Variants in CASR observed in about 807,000 individuals in gnomAD.
CASR encodes extracellular calcium-sensing receptor.
CASR carries 23 observed loss-of-function variants against 69.1 expected under a neutral mutation model. That is an observed-to-expected ratio of 0.33 (90% CI 0.24 to 0.47). The LOEUF (loss-of-function observed/expected upper bound fraction) is 0.47, where lower values mean the gene tolerates loss of function less well. Among genes scored for constraint, CASR ranks in the 20% least tolerant of loss-of-function variants. CASR has a pLI of 1.00. For synonymous variants in CASR, 541 were observed against 544.7 expected (o/e 0.99, Z 0.10); for missense variants, 924 against 1,356.1 (o/e 0.68, Z 5.00).
At chr3:122,209,313 G>A (rs577356876) in intron 1 of CASR, among the ~76,000 whole-genome samples, 1 of 152,286 alleles carries the variant, frequency 6.6e-6, no homozygotes, top group South Asian at 2.1e-4. Context: ...AGAGGAGCTG[G>A]TACCATTTCT....
At chr3:122,233,885 G>A (rs1302977202) in intron 1 of CASR, among the ~76,000 whole-genome samples, 1 of 152,194 alleles carries the variant, frequency 6.6e-6, no homozygotes, top group Non-Finnish European at 1.5e-5. Context: ...ACTGGGGGGA[G>A]TCCCCACCAC....
chr3:122,202,701 C>A (rs974785441), intron 1 of CASR, among the ~76,000 whole-genome samples: 10 of 151,782 alleles, frequency 6.6e-5, no homozygotes, highest in African/African-American at 2.4e-4. Context: ...TTTCTTTCAC[C>A]TTTTGTGGTT....
At chr3:122,206,951 G>T (rs58529372) in intron 1 of CASR, among the ~76,000 whole-genome samples, 73,927 of 151,570 alleles carry the variant, frequency 0.49, 18,938 homozygotes, top group African/African-American at 0.59. Context: ...TTTAGTTGGG[G>T]CTTCTCTTTT....
At chr3:122,223,007 T>C (rs2074186832) in intron 1 of CASR, among the ~76,000 whole-genome samples, 1 of 152,108 alleles carries the variant, frequency 6.6e-6, no homozygotes, top group African/African-American at 2.4e-5. Flanking sequence ...CATCAAAAAA[T>C]TCTTTGAAAC....
chr3:122,201,481 T>C (rs942377679), intron 1 of CASR, among the ~76,000 whole-genome samples: 21 of 152,318 alleles, frequency 1.4e-4, no homozygotes, highest in African/African-American at 4.3e-4. Context: ...AAAACTGCCA[T>C]TGTCATCATG....
intron 1 of CASR, among the ~76,000 whole-genome samples, chr3:122,186,233 A>AT (rs1326419000): frequency 6.6e-6 from 1 of 152,144 alleles, no homozygotes; most frequent in Non-Finnish European, 1.5e-5. Flanking sequence ...TTATCTTTTC[A>AT]TATTGCATAA....
intron 1 of CASR, among the ~76,000 whole-genome samples, chr3:122,201,417 G>A (rs1339052165): frequency 6.6e-6 from 1 of 152,214 alleles, no homozygotes; most frequent in Admixed American, 6.5e-5. Flanking sequence ...CACAGACACA[G>A]CAACCATCCG....
Position 122,253,909 on chromosome 3 carries a change from A to C in CASR, c.-242-39A>C. 2 of 451,926 alleles carry C rather than the reference A, an allele frequency of 4.4e-6. 1 individual carries two copies. The highest frequency in any genetic ancestry group is 8.2e-6 in the Non-Finnish European group (2 of 245,060). 28.0% of individuals were successfully genotyped at this position (451,926 alleles called of 1,614,324 possible). On this transcript the variant is annotated intron_variant, in intron 1 of 6. Transcript: ENST00000639785. ...CAGTGGTCATCACAAGATGGGATTG[A>C]GGTTTAGCTGAATCCATTTTGTCTT...
At position 122,261,913 on chromosome 3, in the gene CASR, G is replaced by A; in HGVS notation, c.878G>A (p.Trp293Ter). 1.2e-6 allele frequency: 2 copies of A among 1,614,176 alleles called. No individual in the cohort carries two copies. The highest frequency in any genetic ancestry group is 1.7e-6 in the Non-Finnish European group (2 of 1,180,028). ...IVRRNITGKI[W>*]LASEAWASSS... ...CGGCGCAATATCACGGGCAAGATCT[G>A]GCTGGCCAGCGAGGCCTGGGCCAGC... The change falls in exon 4 of 7, where the codon TGG (tryptophan) becomes TAG (stop). Residue 293 changes from tryptophan (W) to a stop codon, truncating the protein, a stop_gained. Transcript: ENST00000639785. LOFTEE classifies it high-confidence loss of function.
chr3:122,232,165 A>G (rs528372066), intron 1 of CASR, among the ~76,000 whole-genome samples: 144 of 152,266 alleles, frequency 9.5e-4, no homozygotes, highest in African/African-American at 3.3e-3. Flanking sequence ...TTATTGTACT[A>G]TAAAAAGAAT....
intron 1 of CASR, chr3:122,184,406 G>C (rs2073754745): frequency 6.6e-6 from 1 of 152,620 alleles, no homozygotes. Flanking sequence ...CCAAGACCGT[G>C]ACCTTGGCAT....
chr3:122,287,724 G>A lies in CASR; in HGVS notation c.*2533G>A, dbSNP rs11713017. The A allele has an allele frequency of 0.081, 12,308 of 152,346 alleles. 605 individuals are homozygous for A. Among genetic ancestry groups the A allele is most frequent in the Middle Eastern group, 0.16 (48 of 294 alleles). 9.4% of individuals were successfully genotyped at this position (152,346 alleles called of 1,614,324 possible). A position where few individuals can be genotyped will look rare whatever the true frequency, so the allele number is the denominator to read the frequency against. On this transcript the variant is annotated 3_prime_UTR_variant, in exon 7 of 7. Coordinates refer to ENST00000639785, the MANE Select transcript of CASR (RefSeq NM_000388.4). ...CTCATCTGGTCCCATCATGGGTTTC[G>A]TGGTGGTTTTCACGCATGCCTCACT... is the stretch of plus-strand genomic sequence containing the variant.
chr3:122,212,548 A>C (rs4678124), intron 1 of CASR, among the ~76,000 whole-genome samples: 110,144 of 151,984 alleles, frequency 0.72, 40,157 homozygotes, highest in Admixed American at 0.82. Context: ...GCACATGTAT[A>C]CCGGAACTTA....
At position 122,291,147 on chromosome 3, in the gene CASR, G is replaced by A. The variant is rs1447930638; in HGVS notation, c.*5956G>A. On this transcript the variant is annotated 3_prime_UTR_variant, in exon 7 of 7. Transcript: ENST00000639785. ...TCTATCGTTGTTGGACATTTGGGTT[G>A]GTTCCAAGTCTTTGCTATTGTGAAT... 5 of 143,410 alleles carry A rather than the reference G, an allele frequency of 3.5e-5. No individual in the cohort carries two copies. Among genetic ancestry groups the A allele is most frequent in the Non-Finnish European group, 3.0e-5 (2 of 65,622 alleles). The allele number at this position is 143,410 out of a possible 1,614,324, so 8.9% of individuals were successfully genotyped here. A position where few individuals can be genotyped will look rare whatever the true frequency, so the allele number is the denominator to read the frequency against.
intron 6 of CASR, among the ~76,000 whole-genome samples, 180 bp downstream of exon 6, chr3:122,282,416 A>G (rs1176553652): frequency 2.6e-5 from 4 of 152,210 alleles, no homozygotes; most frequent in Non-Finnish European, 5.9e-5. Flanking sequence ...AGAATGTTAG[A>G]TGTTCTTTTA....
intron 2 of CASR, among the ~76,000 whole-genome samples, chr3:122,256,793 T>G (rs1021017624): frequency 6.6e-6 from 1 of 152,204 alleles, no homozygotes; most frequent in Non-Finnish European, 1.5e-5. Flanking sequence ...AATTTTTGTA[T>G]TTTTAATAGA....
At chr3:122,198,786 A>G (rs987223462) in intron 1 of CASR, among the ~76,000 whole-genome samples, 4 of 151,804 alleles carry the variant, frequency 2.6e-5, no homozygotes, top group Non-Finnish European at 4.4e-5. Flanking sequence ...TTTTATTATA[A>G]AATTGTCATT....
rs35728846 is a variant in CASR, at chr3:122,193,204, G to GTGTTTGTT, written c.-243+9414_-243+9421dup. On this transcript the variant is annotated intron_variant, in intron 1 of 6. Coordinates refer to ENST00000639785, the MANE Select transcript of CASR (RefSeq NM_000388.4). ...TTCATTTCTGGTTTTTTTTTTGTTT[G>GTGTTTGTT]TGTTTGTTTGTTTGTTTGTTTGTTT... 2.1e-3 allele frequency among the ~76,000 whole-genome samples: 288 copies of GTGTTTGTT among 140,440 alleles called. 1 individual carries two copies. Among genetic ancestry groups the GTGTTTGTT allele is most frequent in the Middle Eastern group, 3.5e-3 (1 of 282 alleles). The allele number at this position is 140,440 out of a possible 152,430, so 92.1% of individuals were successfully genotyped here.
At chr3:122,217,368 T>G (rs1334631080) in intron 1 of CASR, among the ~76,000 whole-genome samples, 1 of 152,170 alleles carries the variant, frequency 6.6e-6, no homozygotes, top group Non-Finnish European at 1.5e-5. Flanking sequence ...CCCACGGTGC[T>G]GGGATTACAG....
Sources: allele counts gnomAD v4.1 joint callset (sites outside exome capture counted in the v4.1 genomes callset), GRCh38; gene constraint gnomAD v4.1.1; transcripts MANE v1.5; gene names NCBI Gene and HGNC (gene_info 2026-07-23, HGNC 2026-07-21).